The following KIRREL3 variants were observed in gnomAD, a reference collection of about 807,000 sequenced individuals.
KIRREL3 encodes kirre like nephrin family adhesion molecule 3, also known as kin of IRRE-like protein 3.
KIRREL3 carries 36 observed loss-of-function variants against 89.7 expected under a neutral mutation model. That is an observed-to-expected ratio of 0.40 (90% CI 0.31 to 0.53). The LOEUF (loss-of-function observed/expected upper bound fraction) is 0.53. Ranked by LOEUF, KIRREL3 falls within the 20% of genes least tolerant of loss-of-function variation. The probability of loss-of-function intolerance (pLI) is 0.49; values close to 1 mark genes in which losing one functional copy is unlikely to be tolerated. For missense variants in KIRREL3, 864 were observed against 1,056.6 expected (o/e 0.82, Z 2.53); for synonymous variants, 445 against 441.4 (o/e 1.01, Z -0.10).
Position 126,765,106 on chromosome 11 carries a change from T to G in KIRREL3, c.56-202194A>C, listed in dbSNP as rs571158581. ...AGATCAGAGAGTAACAAAGAGTTTC[T>G]GGAATCTTCAAGCCATCTATGGTTG... On this transcript the variant is annotated intron_variant, in intron 1 of 16. Transcript: ENST00000525144. 4.6e-5 allele frequency among the ~76,000 whole-genome samples: 7 copies of G among 152,306 alleles called. No individual in the cohort carries two copies. The South Asian group carries it at 1.2e-3, about 27-fold the overall frequency.
rs191023669 is a variant in KIRREL3, at chr11:126,446,974, T to C, written c.998-88A>G. 1,229 of 1,466,068 alleles carry C rather than the reference T, an allele frequency of 8.4e-4. 5 individuals carry two copies. The African/African-American group carries it at 0.015, about 18-fold the overall frequency. 90.8% of individuals were successfully genotyped at this position (1,466,068 alleles called of 1,614,324 possible). On this transcript the variant is annotated intron_variant, in intron 8 of 16. Transcript: ENST00000525144. ...TGCTGCCTCCTTTTCCCCCTAGACC[T>C]TGACTGGGGGGAGGCAGGCAGTGGG...
intron 1 of KIRREL3, among the ~76,000 whole-genome samples, chr11:126,749,722 A>C (rs762159896): frequency 2.0e-5 from 3 of 152,164 alleles, no homozygotes; most frequent in Non-Finnish European, 4.4e-5. Context: ...GAAAGGAGAC[A>C]AATATTAAGG....
intron 1 of KIRREL3, among the ~76,000 whole-genome samples, chr11:126,698,350 G>A (rs1057451611): frequency 2.0e-5 from 3 of 152,156 alleles, no homozygotes; most frequent in Admixed American, 2.0e-4. Context: ...CCTCTCCCAG[G>A]CCTGCTAAGA....
chr11:126,787,568 T>C (rs1050650273), intron 1 of KIRREL3, among the ~76,000 whole-genome samples: 3 of 152,354 alleles, frequency 2.0e-5, no homozygotes, highest in Non-Finnish European at 2.9e-5. Flanking sequence ...AGTCTGGTTC[T>C]TTTTTCCTGG....
Position 126,931,400 on chromosome 11 carries a change from C to A in KIRREL3, c.55+69055G>T, listed in dbSNP as rs1947943202. 6.6e-6 allele frequency among the ~76,000 whole-genome samples: 1 copy of A among 152,146 alleles called. No homozygotes were observed. The highest frequency in any genetic ancestry group is 2.4e-5 in the African/African-American group (1 of 41,424). ...TCCCTACCCCACCCTACTTTCCTGTCAATCACTCCACAAGCATTCACTGCT... is the reference window on the plus strand; with the variant it reads ...TCCCTACCCCACCCTACTTTCCTGTAAATCACTCCACAAGCATTCACTGCT... On this transcript the variant is annotated intron_variant, in intron 1 of 16. Transcript: ENST00000525144. This position sits in a 1 kb window ranked among gnomAD's most constrained non-coding sequence, Gnocchi z 5.1.
Position 126,898,534 on chromosome 11 carries a change from T to C in KIRREL3, c.55+101921A>G, listed in dbSNP as rs1946253416. Among the ~76,000 whole-genome samples, 1 of 152,216 alleles carries C rather than the reference T, an allele frequency of 6.6e-6. No individual in the cohort carries two copies. The highest frequency in any genetic ancestry group is 6.5e-5 in the Admixed American group (1 of 15,286). On this transcript the variant is annotated intron_variant, in intron 1 of 16. Transcript: ENST00000525144. The surrounding 1 kb of genome is among the most constrained non-coding windows in gnomAD (Gnocchi z 4.9). ...AATTAGAAACAATGAAGTGGGCAGA[T>C]ACCTAACAATACGAACAATTCCTAA... is the stretch of plus-strand genomic sequence containing the variant.
intron 1 of KIRREL3, among the ~76,000 whole-genome samples, chr11:126,681,498 G>A (rs957075139): frequency 2.0e-5 from 3 of 152,176 alleles, no homozygotes; most frequent in Admixed American, 6.5e-5. Flanking sequence ...TATGGAGGGA[G>A]GCAGTTTATG....
Position 126,508,424 on chromosome 11 carries a change from C to T in KIRREL3, c.433+12891G>A, listed in dbSNP as rs974487091. ...TGAATGGGATGGCAAATGAATGCTG[C>T]GGGTCTCGGGGCTCCCCAGGTCCAT... On this transcript the variant is annotated intron_variant, in intron 4 of 16. Coordinates refer to ENST00000525144, the MANE Select transcript of KIRREL3 (RefSeq NM_032531.4). This position sits in a 1 kb window ranked among gnomAD's most constrained non-coding sequence, Gnocchi z 4.9. Among the ~76,000 whole-genome samples the T allele has an allele frequency of 1.3e-5, 2 of 152,120 alleles. No homozygotes were observed. Among genetic ancestry groups the T allele is most frequent in the East Asian group, 1.9e-4 (1 of 5,162 alleles).
chr11:126,725,798 G>C (rs964856743), intron 1 of KIRREL3, among the ~76,000 whole-genome samples: 1 of 152,202 alleles, frequency 6.6e-6, no homozygotes, highest in African/African-American at 2.4e-5. Flanking sequence ...GAGAGCATGG[G>C]GGGAGGCATC....
intron 1 of KIRREL3, among the ~76,000 whole-genome samples, chr11:126,827,136 C>T (rs1356932362): frequency 1.3e-5 from 2 of 151,900 alleles, no homozygotes; most frequent in South Asian, 2.1e-4. Context: ...CCCCTCAGAG[C>T]CCCCAAATGT....
In KIRREL3 at chr11:126,508,839, C is replaced by T. The variant is rs937225078; in HGVS notation, c.433+12476G>A. ...GAGCTGGTCAGAGGGCAGATGAAGG[C>T]ATGCGAGTGGGTTCCTCAGCACAGT... On this transcript the variant is annotated intron_variant, in intron 4 of 16. Coordinates refer to ENST00000525144, the MANE Select transcript of KIRREL3 (RefSeq NM_032531.4). This position sits in a 1 kb window ranked among gnomAD's most constrained non-coding sequence, Gnocchi z 4.9. Among the ~76,000 whole-genome samples the T allele has an allele frequency of 1.1e-4, 17 of 152,174 alleles. No homozygotes were observed. Among genetic ancestry groups the T allele is most frequent in the Admixed American group, 3.9e-4 (6 of 15,268 alleles).
chr11:126,866,587 C>T (rs1406948230), intron 1 of KIRREL3, among the ~76,000 whole-genome samples: 1 of 50,388 alleles, frequency 2.0e-5, no homozygotes, highest in Non-Finnish European at 3.8e-5. Flanking sequence ...ACAAGCCACT[C>T]CTGTTTTCAC....
chr11:126,963,289 C>T (rs1047679851), intron 1 of KIRREL3, among the ~76,000 whole-genome samples: 3 of 148,318 alleles, frequency 2.0e-5, no homozygotes, highest in African/African-American at 7.5e-5. Context: ...CCTTGCCATC[C>T]TTCACCAAAC....
At chr11:126,932,777 T>A (rs964040344) in intron 1 of KIRREL3, among the ~76,000 whole-genome samples, 2 of 152,188 alleles carry the variant, frequency 1.3e-5, no homozygotes, top group Non-Finnish European at 2.9e-5. Context: ...CCTACAAAAT[T>A]GTAATTGCTT....
In KIRREL3 at chr11:126,656,239, C is replaced by T. The variant is rs536524588; in HGVS notation, c.56-93327G>A. On this transcript the variant is annotated intron_variant, in intron 1 of 16. Coordinates refer to ENST00000525144, the MANE Select transcript of KIRREL3 (RefSeq NM_032531.4). This position sits in a 1 kb window ranked among gnomAD's most constrained non-coding sequence, Gnocchi z 4.0. ...TCAGAAAGATGCCTGTTGGTTCTGC[C>T]GTTCATATCTGTGAGATATCAGGCT... The T allele has an allele frequency of 2.0e-5, 9 of 447,766 alleles. No individual in the cohort carries two copies. Among genetic ancestry groups the T allele is most frequent in the Non-Finnish European group, 3.6e-5 (8 of 221,746 alleles). 27.7% of individuals were successfully genotyped at this position (447,766 alleles called of 1,614,324 possible). A position where few individuals can be genotyped will look rare whatever the true frequency, so the allele number is the denominator to read the frequency against.
At chr11:126,941,485 T>TA (rs1948442871) in intron 1 of KIRREL3, among the ~76,000 whole-genome samples, 1 of 152,218 alleles carries the variant, frequency 6.6e-6, no homozygotes, top group African/African-American at 2.4e-5. Flanking sequence ...ATCTGCATTT[T>TA]AAAATCACTC....
intron 1 of KIRREL3, among the ~76,000 whole-genome samples, chr11:126,982,652 C>A (rs367807923): frequency 7.1e-4 from 108 of 152,294 alleles, no homozygotes; most frequent in African/African-American, 2.5e-3. Context: ...CACCTCCAGG[C>A]GTGACTCTTT....
At chr11:126,838,274 T>C (rs967439188) in intron 1 of KIRREL3, among the ~76,000 whole-genome samples, 1 of 152,250 alleles carries the variant, frequency 6.6e-6, no homozygotes, top group Non-Finnish European at 1.5e-5. Context: ...TTGTGGTTTT[T>C]ATCTCTTAGG....
intron 1 of KIRREL3, among the ~76,000 whole-genome samples, chr11:126,660,488 T>G (rs1215817867): frequency 6.6e-6 from 1 of 152,200 alleles, no homozygotes; most frequent in Non-Finnish European, 1.5e-5. Context: ...TCTGCACTGC[T>G]GCTTGCTTCC....
Sources: allele counts gnomAD v4.1 joint callset (sites outside exome capture counted in the v4.1 genomes callset), GRCh38; gene constraint gnomAD v4.1.1; non-coding constraint Gnocchi (gnomAD v3.1); transcripts MANE v1.5; gene names NCBI Gene and HGNC (gene_info 2026-07-23, HGNC 2026-07-21).